The following TAFA1 variants were observed in gnomAD, a reference collection of about 807,000 sequenced individuals.
TAFA1 encodes the protein TAFA chemokine like family member 1, also known as chemokine-like protein TAFA-1.
In TAFA1, 4 loss-of-function variants were observed where a neutral mutation model predicts 18.5. The ratio of observed to expected loss-of-function variants is 0.22; its 90% confidence interval spans 0.11 to 0.49. The LOEUF (loss-of-function observed/expected upper bound fraction) is 0.49. Among genes scored for constraint, TAFA1 ranks in the 20% least tolerant of loss-of-function variants. The probability of loss-of-function intolerance (pLI) is 0.98; values close to 1 mark genes in which losing one functional copy is unlikely to be tolerated. For synonymous variants in TAFA1, 56 were observed against 55.2 expected, an observed-to-expected ratio of 1.01 and a Z score of -0.06; for missense variants, 147 against 169.0, an observed-to-expected ratio of 0.87 and a Z score of 0.72.
chr3:68,191,821 T>G (rs1193862529), intron 2 of TAFA1, among the ~76,000 whole-genome samples: 1 of 151,812 alleles, frequency 6.6e-6, no homozygotes, highest in Non-Finnish European at 1.5e-5. Context: ...CTGTGGGTAA[T>G]TCTGGAGGCC....
chr3:68,224,099 T>C (rs2066766584), intron 2 of TAFA1, among the ~76,000 whole-genome samples: 1 of 151,988 alleles, frequency 6.6e-6, no homozygotes, highest in Non-Finnish European at 1.5e-5. Context: ...CCCTGAATGA[T>C]GTTTTCTGGT....
chr3:68,310,246 T>C (rs1008031215), intron 2 of TAFA1, among the ~76,000 whole-genome samples: 9 of 152,196 alleles, frequency 5.9e-5, no homozygotes, highest in Non-Finnish European at 1.2e-4. Context: ...CCACTTTTTC[T>C]AGTAGGAATG....
intron 3 of TAFA1, among the ~76,000 whole-genome samples, chr3:68,460,673 A>G (rs753802554): frequency 5.3e-5 from 8 of 152,308 alleles, no homozygotes; most frequent in Middle Eastern, 3.4e-3. Context: ...CATAGTTGCC[A>G]GAGATGAGAA....
intron 2 of TAFA1, among the ~76,000 whole-genome samples, chr3:68,062,018 A>T (rs907304191): frequency 3.3e-5 from 5 of 151,492 alleles, no homozygotes; most frequent in Non-Finnish European, 7.4e-5. Flanking sequence ...TCCAAAAAAC[A>T]TATACTAGAC....
At chr3:68,229,902 G>A (rs78767295) in intron 2 of TAFA1, among the ~76,000 whole-genome samples, 7 of 152,186 alleles carry the variant, frequency 4.6e-5, no homozygotes, top group African/African-American at 1.4e-4. Context: ...ATGTGATGAT[G>A]TATGTAAAAT....
chr3:68,314,291 T>A (rs13077688), intron 2 of TAFA1, among the ~76,000 whole-genome samples: 1 of 152,348 alleles, frequency 6.6e-6, no homozygotes, highest in East Asian at 1.9e-4. Context: ...CACCTGTTCC[T>A]GTCCATAGAG....
intron 2 of TAFA1, among the ~76,000 whole-genome samples, chr3:68,246,336 T>A (rs1220695234): frequency 3.9e-5 from 6 of 151,908 alleles, no homozygotes; most frequent in South Asian, 2.1e-4. Context: ...CACGCCTGTA[T>A]TCCCAGCACT....
intron 2 of TAFA1, among the ~76,000 whole-genome samples, chr3:68,023,010 C>CTT (rs1704731503): frequency 6.9e-6 from 1 of 145,692 alleles, no homozygotes; most frequent in African/African-American, 2.6e-5. Context: ...GGAAATCAGG[C>CTT]TCAGAGAGGT....
chr3:68,204,260 G>C (rs533329180), intron 2 of TAFA1, among the ~76,000 whole-genome samples: 2 of 151,734 alleles, frequency 1.3e-5, no homozygotes, highest in Non-Finnish European at 2.9e-5. Context: ...CTAAGATGTG[G>C]AACATGAATC....
Position 68,545,317 on chromosome 3 carries a change from G to A in TAFA1, c.*814G>A, listed in dbSNP as rs3828367. On this transcript the variant is annotated 3_prime_UTR_variant, in exon 5 of 5. Coordinates refer to ENST00000478136, the MANE Select transcript of TAFA1 (RefSeq NM_213609.4). ...GCTATTAAGACTCTGGCAGAGTTATGGGTAGGATATGGATCCCTACATGAA... is the reference window on the plus strand; with the variant it reads ...GCTATTAAGACTCTGGCAGAGTTATAGGTAGGATATGGATCCCTACATGAA... 3.9e-5 allele frequency: 6 copies of A among 152,662 alleles called. No individual in the cohort carries two copies. The East Asian group carries it at 1.2e-3, about 30-fold the overall frequency. The allele number at this position is 152,662 out of a possible 1,614,324, so 9.5% of individuals were successfully genotyped here.
chr3:68,413,198 T>A (rs1332061504), intron 2 of TAFA1, among the ~76,000 whole-genome samples: 1 of 152,210 alleles, frequency 6.6e-6, no homozygotes, highest in Non-Finnish European at 1.5e-5. Flanking sequence ...TCTGTTCATA[T>A]CCTTTGCCCA....
chr3:68,160,222 T>G (rs1009561939), intron 2 of TAFA1, among the ~76,000 whole-genome samples: 1 of 152,190 alleles, frequency 6.6e-6, no homozygotes, highest in Non-Finnish European at 1.5e-5. Flanking sequence ...CAGGAGTAAG[T>G]GTACATTTTT....
chr3:68,417,526 C>A, intron 3 of TAFA1, 106 bp downstream of exon 3: 1 of 1,093,230 alleles, frequency 9.1e-7, no homozygotes. Flanking sequence ...CAAGGTGCAT[C>A]CGAAGTGTTA....
At chr3:68,521,480 C>T (rs540951178) in intron 3 of TAFA1, among the ~76,000 whole-genome samples, 83 of 151,916 alleles carry the variant, frequency 5.5e-4, no homozygotes, top group Non-Finnish European at 1.0e-3. Flanking sequence ...ACTGGCCTCA[C>T]GAAGCGTACA....
At chr3:68,494,877 T>A (rs926503591) in intron 3 of TAFA1, among the ~76,000 whole-genome samples, 1 of 152,226 alleles carries the variant, frequency 6.6e-6, no homozygotes, top group Non-Finnish European at 1.5e-5. Context: ...TTAAAAATGA[T>A]CAATTTTGTT....
intron 2 of TAFA1, among the ~76,000 whole-genome samples, chr3:68,403,431 G>A (rs1159632844): frequency 2.0e-5 from 3 of 152,154 alleles, no homozygotes; most frequent in African/African-American, 7.2e-5. Flanking sequence ...AGTTACTCAG[G>A]GACTAGATCT....
At chr3:68,077,072 T>G (rs1193569722) in intron 2 of TAFA1, among the ~76,000 whole-genome samples, 4 of 150,894 alleles carry the variant, frequency 2.7e-5, no homozygotes, top group African/African-American at 9.7e-5. Context: ...TGGTGAGCAT[T>G]TTTTCATGTG....
intron 3 of TAFA1, among the ~76,000 whole-genome samples, chr3:68,523,573 GC>G (rs1302771242): frequency 6.6e-6 from 1 of 152,000 alleles, no homozygotes; most frequent in Admixed American, 6.6e-5. Flanking sequence ...GCTTTTAGAA[GC>G]AAAAACTCAT....
At chr3:68,412,717 TA>T (rs2070739843) in intron 2 of TAFA1, among the ~76,000 whole-genome samples, 1 of 152,172 alleles carries the variant, frequency 6.6e-6, no homozygotes, top group Non-Finnish European at 1.5e-5. Context: ...CATCCTTTTT[TA>T]TGGCTGCATA....
Sources: allele counts gnomAD v4.1 joint callset (sites outside exome capture counted in the v4.1 genomes callset), GRCh38; gene constraint gnomAD v4.1.1; transcripts MANE v1.5; gene names NCBI Gene and HGNC (gene_info 2026-07-23, HGNC 2026-07-21).